SLC3A1: variants seen among roughly 807,000 people sequenced by gnomAD.
The protein encoded by SLC3A1 is amino acid transporter heavy chain SLC3A1.
Under a neutral mutation model 60.3 loss-of-function variants are expected in SLC3A1, and 78 were observed. The ratio of observed to expected loss-of-function variants is 1.29; its 90% CI spans 1.08 to 1.56. The LOEUF (loss-of-function observed/expected upper bound fraction) is 1.56. Ranked by LOEUF, SLC3A1 falls within the 40% of genes most tolerant of loss-of-function variation. The pLI, the probability that SLC3A1 is intolerant of heterozygous loss-of-function variation, is 0.00. For missense variants in SLC3A1, 1,172 were observed against 858.9 expected (o/e 1.36, Z -4.56); for synonymous variants, 392 against 307.9 (o/e 1.27, Z -2.86).
At position 44,286,171 on chromosome 2, in the gene SLC3A1, C is replaced by T. The variant is rs749367795; in HGVS notation, c.891+14C>T. The T allele has an allele frequency of 1.2e-6, 2 of 1,612,480 alleles. No individual in the cohort carries two copies. The highest frequency in any genetic ancestry group is 1.7e-6 in the Non-Finnish European group (2 of 1,178,788). On this transcript the variant is annotated intron_variant, in intron 4 of 9. Coordinates refer to ENST00000260649, the MANE Select transcript of SLC3A1 (RefSeq NM_000341.4). ...GAAGAAATAAAAGTGAGTATAGATA[C>T]CCACACAGACTTCTCCATTAATGGA...
chr2:44,278,589 A>G (rs1671404649), intron 1 of SLC3A1, among the ~76,000 whole-genome samples: 1 of 152,210 alleles, frequency 6.6e-6, no homozygotes, highest in South Asian at 2.1e-4. Context: ...GGCCTCTGAC[A>G]GTCTAATTCT....
chr2:44,295,851 G>A (rs766106109), intron 4 of SLC3A1, among the ~76,000 whole-genome samples: 12 of 152,142 alleles, frequency 7.9e-5, no homozygotes, highest in South Asian at 4.1e-4. Flanking sequence ...TCAGTTATTC[G>A]TGCTCTGCCC....
At chr2:44,312,470 G>C (rs1397803366) in intron 7 of SLC3A1, 116 bp from the exon 8 acceptor site, 3 of 1,093,796 alleles carry the variant, frequency 2.7e-6, no homozygotes, top group African/African-American at 3.1e-5. Context: ...AGGCTTGCTA[G>C]TACCAAGGTA....
At chr2:44,306,550 C>CTTTTTTTTT (rs11290172) in intron 7 of SLC3A1, among the ~76,000 whole-genome samples, 1 of 101,120 alleles carries the variant, frequency 9.9e-6, no homozygotes, top group Non-Finnish European at 2.0e-5. Context: ...TACCATAAAA[C>CTTTTTTTTT]TTTTTTTTTT....
In SLC3A1 at chr2:44,275,559, A is replaced by C. The variant is rs376615998; in HGVS notation, c.24A>C (p.Arg8Ser). The change falls in exon 1 of 10, where the codon AGA (arginine) becomes AGC (serine). Residue 8 changes from arginine to serine, a missense_variant. Physicochemically the swap from Arg to Ser is moderately radical, Grantham distance 110. Coordinates refer to ENST00000260649, the MANE Select transcript of SLC3A1 (RefSeq NM_000341.4). ...ACATGGCTGAAGATAAAAGCAAGAGAGACTCCATCGAGATGAGTATGAAGG... is the reference window on the plus strand; with the variant it reads ...ACATGGCTGAAGATAAAAGCAAGAGCGACTCCATCGAGATGAGTATGAAGG... MAEDKSK[R>S]DSIEMSMKGC... 8 of 1,614,042 alleles carry C rather than the reference A, an allele frequency of 5.0e-6. No individual in the cohort carries two copies. Among genetic ancestry groups the C allele is most frequent in the Non-Finnish European group, 6.8e-6 (8 of 1,180,034 alleles).
At chr2:44,293,444 G>A (rs181536363) in intron 4 of SLC3A1, among the ~76,000 whole-genome samples, 86 of 152,128 alleles carry the variant, frequency 5.7e-4, no homozygotes, top group African/African-American at 2.0e-3. Context: ...TTGAGCCCAT[G>A]AGGCAGAGGT....
intron 7 of SLC3A1, among the ~76,000 whole-genome samples, chr2:44,305,587 C>T (rs1339758624): frequency 2.6e-5 from 4 of 151,966 alleles, no homozygotes; most frequent in African/African-American, 7.2e-5. Context: ...GCCACCATGC[C>T]TGGCTAATTT....
Position 44,320,234 on chromosome 2 carries a change from A to AT in SLC3A1, c.1654dup (p.Tyr552LeufsTer11). 2 of 1,614,020 alleles carry AT rather than the reference A, an allele frequency of 1.2e-6. No individual in the cohort carries two copies. Among genetic ancestry groups the AT allele is most frequent in the African/African-American group, 2.7e-5 (2 of 75,056 alleles). ...CTCAGCCCAGATCGGCTTTGAAGTT[A>AT]TATCAAGATTTAAGTCTACTTCATG... is the stretch of plus-strand genomic sequence containing the variant. On this transcript the variant is annotated frameshift_variant, in exon 10 of 10. Transcript: ENST00000260649. LOFTEE classifies it low-confidence loss of function (END_TRUNC).
intron 9 of SLC3A1, chr2:44,316,537 C>T (rs1025097364): frequency 6.6e-6 from 1 of 152,132 alleles, no homozygotes; most frequent in Non-Finnish European, 1.5e-5. Flanking sequence ...AACAATTGCA[C>T]AGGAGAACAG....
intron 9 of SLC3A1, 42 bp downstream of exon 9, chr2:44,313,993 G>T: frequency 6.2e-7 from 1 of 1,612,928 alleles, no homozygotes; most frequent in Non-Finnish European, 8.5e-7. Flanking sequence ...TAGAAACAAA[G>T]AAATGGGTTT....
intron 3 of SLC3A1, among the ~76,000 whole-genome samples, chr2:44,282,095 C>A (rs1351852463): frequency 1.3e-5 from 2 of 152,154 alleles, no homozygotes; most frequent in Admixed American, 6.5e-5. Flanking sequence ...TGGTCTTGAA[C>A]TCCTGACCTC....
chr2:44,304,405 A>C, intron 7 of SLC3A1, 67 bp downstream of exon 7: 1 of 1,214,014 alleles, frequency 8.2e-7, no homozygotes, highest in Non-Finnish European at 1.2e-6. Flanking sequence ...TTATCTCTAA[A>C]ATGCAATGGA....
At position 44,321,222 on chromosome 2, in the gene SLC3A1, A is replaced by G; in HGVS notation, c.*583A>G. 1 of 777,610 alleles carries G rather than the reference A, an allele frequency of 1.3e-6. No homozygotes were observed. Among genetic ancestry groups the G allele is most frequent in the Non-Finnish European group, 2.1e-6 (1 of 486,216 alleles). 48.2% of individuals were successfully genotyped at this position (777,610 alleles called of 1,614,324 possible). On this transcript the variant is annotated 3_prime_UTR_variant, in exon 10 of 10. Coordinates refer to ENST00000260649, the MANE Select transcript of SLC3A1 (RefSeq NM_000341.4). Reference sequence around the variant, plus strand: ...GTGAGATGTAGACTAAGCAAAATTTAGATGGAGAAGCACATTTTAAAAAAT... The same window carrying G: ...GTGAGATGTAGACTAAGCAAAATTTGGATGGAGAAGCACATTTTAAAAAAT...
intron 7 of SLC3A1, among the ~76,000 whole-genome samples, chr2:44,307,638 T>C (rs554591636): frequency 7.2e-5 from 11 of 152,028 alleles, no homozygotes; most frequent in Admixed American, 5.2e-4. Flanking sequence ...ATTGGACATC[T>C]GCATGTCTTA....
intron 7 of SLC3A1, among the ~76,000 whole-genome samples, chr2:44,307,816 C>T (rs986697851): frequency 1.3e-5 from 2 of 152,122 alleles, no homozygotes; most frequent in Admixed American, 6.6e-5. Context: ...TTGAAAAGCA[C>T]AGAAGTTTTT....
intron 1 of SLC3A1, among the ~76,000 whole-genome samples, chr2:44,276,630 G>A (rs866772072): frequency 6.6e-6 from 1 of 151,874 alleles, no homozygotes; most frequent in Admixed American, 6.6e-5. Flanking sequence ...GGAGGCTGAG[G>A]TGGGAGGATC....
At chr2:44,317,275 CA>C (rs896823746) in intron 9 of SLC3A1, among the ~76,000 whole-genome samples, 1 of 152,056 alleles carries the variant, frequency 6.6e-6, no homozygotes, top group African/African-American at 2.4e-5. Flanking sequence ...CCAGCCTAGG[CA>C]ACATAGTAAG....
chr2:44,310,034 T>G (rs547432672), intron 7 of SLC3A1, among the ~76,000 whole-genome samples: 1 of 152,106 alleles, frequency 6.6e-6, no homozygotes, highest in Admixed American at 6.6e-5. Context: ...GCTGGGACTA[T>G]AGGTGCATAC....
At chr2:44,291,017 T>C (rs1671729797) in intron 4 of SLC3A1, among the ~76,000 whole-genome samples, 1 of 152,182 alleles carries the variant, frequency 6.6e-6, no homozygotes, top group South Asian at 2.1e-4. Flanking sequence ...GGTTTTGTGA[T>C]CATTTTACAG....
Sources: gnomAD v4.1 joint callset for allele counts (sites outside exome capture counted in the v4.1 genomes callset) on GRCh38, gnomAD v4.1.1 for gene constraint, MANE v1.5 for transcripts, NCBI Gene and HGNC (gene_info 2026-07-23, HGNC 2026-07-21) for gene names.